ADAMTSL3: variants seen among roughly 807,000 people sequenced by gnomAD.
ADAMTSL3 encodes ADAMTS-like protein 3.
In ADAMTSL3, 128 loss-of-function variants were observed where a neutral mutation model predicts 201.7. The observed-to-expected ratio is 0.63, with a 90% CI of 0.55 to 0.73. The LOEUF is 0.73. Ranked by LOEUF, ADAMTSL3 falls within the 30% of genes least tolerant of loss-of-function variation. ADAMTSL3 has a pLI of 0.00. For synonymous variants in ADAMTSL3, 738 were observed against 748.4 expected (o/e 0.99, Z 0.23); for missense variants, 1,990 against 2,119.6 (o/e 0.94, Z 1.20).
intron 28 of ADAMTSL3, among the ~76,000 whole-genome samples, chr15:84,031,849 A>C (rs867561346): frequency 6.6e-6 from 1 of 152,318 alleles, no homozygotes; most frequent in Middle Eastern, 3.4e-3. Context: ...ATATTGTCAC[A>C]GTGGTTGGCA....
In ADAMTSL3 at chr15:83,744,149, C is replaced by T. The variant is rs539841003; in HGVS notation, c.190-29374C>T. The stretch of plus-strand genomic sequence containing the variant: ...ATAGGCGTGAGCCACTGCGCCCGGC[C>T]ATATCTTTTTTATTTTAAAAAAAGG... On this transcript the variant is annotated intron_variant, in intron 3 of 29. Transcript: ENST00000286744. Among the ~76,000 whole-genome samples the T allele has an allele frequency of 1.1e-4, 17 of 152,238 alleles. No individual in the cohort carries two copies. In the East Asian group the frequency reaches 3.3e-3, roughly 29 times the overall value.
At chr15:83,950,335 T>C (rs1337062931) in intron 19 of ADAMTSL3, among the ~76,000 whole-genome samples, 1 of 152,150 alleles carries the variant, frequency 6.6e-6, no homozygotes, top group African/African-American at 2.4e-5. Flanking sequence ...GATTTATCTC[T>C]GGGATCTCTA....
chr15:83,950,223 T>A (rs573232516), intron 19 of ADAMTSL3, among the ~76,000 whole-genome samples: 1 of 152,264 alleles, frequency 6.6e-6, no homozygotes, highest in East Asian at 1.9e-4. Flanking sequence ...CTTCTGCATA[T>A]GGATATCCAG....
At chr15:83,687,067 A>G (rs149099449) in intron 2 of ADAMTSL3, among the ~76,000 whole-genome samples, 129 of 151,524 alleles carry the variant, frequency 8.5e-4, no homozygotes, top group African/African-American at 3.1e-3. Context: ...GTTAGCTGGC[A>G]TAGTGGAGGT....
chr15:84,031,225 C>A (rs2068403059), intron 27 of ADAMTSL3, 110 bp from the exon 28 acceptor site: 6 of 1,057,640 alleles, frequency 5.7e-6, no homozygotes, highest in Non-Finnish European at 8.6e-6. Flanking sequence ...CAGTTGGTTA[C>A]AGTCCCCTTG....
intron 2 of ADAMTSL3, among the ~76,000 whole-genome samples, chr15:83,701,644 A>C (rs1444046038): frequency 6.6e-6 from 1 of 152,140 alleles, no homozygotes; most frequent in Non-Finnish European, 1.5e-5. Context: ...TGGCTTTATC[A>C]ATGGTTTCCA....
intron 6 of ADAMTSL3, among the ~76,000 whole-genome samples, chr15:83,822,452 G>A (rs2063899534): frequency 7.2e-6 from 1 of 138,670 alleles, no homozygotes; most frequent in Admixed American, 7.0e-5. Flanking sequence ...GCGGTTGCCA[G>A]GCGGAGGGTC....
intron 4 of ADAMTSL3, among the ~76,000 whole-genome samples, chr15:83,804,402 G>A (rs1335591570): frequency 1.3e-5 from 2 of 152,056 alleles, no homozygotes; most frequent in Admixed American, 6.5e-5. Context: ...GGTAAGAATT[G>A]CATGTGAGTA....
chr15:83,699,073 C>T (rs1167331384), intron 2 of ADAMTSL3, among the ~76,000 whole-genome samples: 1 of 151,972 alleles, frequency 6.6e-6, no homozygotes, highest in African/African-American at 2.4e-5. Flanking sequence ...TAGGGAGTGG[C>T]TTTTCTGGTA....
chr15:83,874,719 C>A (rs1431255688), intron 9 of ADAMTSL3, among the ~76,000 whole-genome samples: 1 of 143,598 alleles, frequency 7.0e-6, no homozygotes, highest in African/African-American at 2.7e-5. Context: ...CGAGAACGTG[C>A]AGCAAGACAA....
chr15:83,866,862 C>T (rs1416665041), intron 8 of ADAMTSL3, among the ~76,000 whole-genome samples: 1 of 152,142 alleles, frequency 6.6e-6, no homozygotes, highest in Admixed American at 6.6e-5. Flanking sequence ...GACTGGCACT[C>T]GTCCAAGAAC....
intron 5 of ADAMTSL3, among the ~76,000 whole-genome samples, chr15:83,813,313 C>A (rs561458565): frequency 6.6e-6 from 1 of 152,302 alleles, no homozygotes; most frequent in East Asian, 1.9e-4. Flanking sequence ...ACTACTCCAG[C>A]AGCCTGGGGT....
intron 5 of ADAMTSL3, among the ~76,000 whole-genome samples, chr15:83,817,789 T>C (rs2063792483): frequency 6.6e-6 from 1 of 152,196 alleles, no homozygotes; most frequent in Non-Finnish European, 1.5e-5. Flanking sequence ...CTCACACCTG[T>C]AATCCCAACA....
At chr15:83,659,714 T>TG (rs2061137715) in intron 2 of ADAMTSL3, among the ~76,000 whole-genome samples, 1 of 152,234 alleles carries the variant, frequency 6.6e-6, no homozygotes, top group East Asian at 1.9e-4. Context: ...AATATTGAAT[T>TG]GGGGAGACTA....
intron 15 of ADAMTSL3, among the ~76,000 whole-genome samples, chr15:83,904,891 A>G (rs1014169524): frequency 3.9e-5 from 6 of 152,244 alleles, no homozygotes; most frequent in African/African-American, 1.4e-4. Context: ...ATATTTGCTA[A>G]TGTCAAATTA....
intron 10 of ADAMTSL3, among the ~76,000 whole-genome samples, chr15:83,888,515 A>G (rs1041414675): frequency 6.6e-6 from 1 of 152,206 alleles, no homozygotes. Context: ...TAATTATATT[A>G]GTAATCAAAT....
chr15:84,003,122 T>C (rs566333170), intron 23 of ADAMTSL3, among the ~76,000 whole-genome samples: 1 of 151,838 alleles, frequency 6.6e-6, no homozygotes, highest in Admixed American at 6.6e-5. Context: ...ACTAATTTTT[T>C]TTTTTCTTGT....
intron 4 of ADAMTSL3, among the ~76,000 whole-genome samples, chr15:83,804,064 A>C (rs1489408002): frequency 6.6e-6 from 1 of 151,944 alleles, no homozygotes; most frequent in African/African-American, 2.4e-5. Flanking sequence ...AATTGCTTGA[A>C]CCTGGGAGAT....
chr15:83,835,188 T>C lies in ADAMTSL3; in HGVS notation c.601-2901T>C, dbSNP rs535915992. 6.9e-5 allele frequency among the ~76,000 whole-genome samples: 10 copies of C among 145,844 alleles called. No individual in the cohort carries two copies. In the South Asian group the frequency reaches 2.2e-3, roughly 32 times the overall value. ...GGCAGAGCTTGCAGTGAGCTGAGAT[T>C]GCACCACTGCACTCCAGCTTGGGCG... On this transcript the variant is annotated intron_variant, in intron 6 of 29. Transcript: ENST00000286744.
Sources: allele counts gnomAD v4.1 joint callset (sites outside exome capture counted in the v4.1 genomes callset), GRCh38; gene constraint gnomAD v4.1.1; transcripts MANE v1.5; gene names NCBI Gene and HGNC (gene_info 2026-07-23, HGNC 2026-07-21).